SMIM36: variants seen among roughly 807,000 people sequenced by gnomAD.
SMIM36 encodes small integral membrane protein 36.
At chr17:55,501,298 A>G (rs1415969173) in intron 1 of SMIM36, among the ~76,000 whole-genome samples, 19 of 86,398 alleles carry the variant, frequency 2.2e-4, no homozygotes, top group Admixed American at 4.1e-4. Context: ...ATTTTATAAT[A>G]TATATTATGT....
chr17:55,522,766 C>T, the SMIM36 span, among the ~76,000 whole-genome samples: 1 of 152,158 alleles, frequency 6.6e-6, no homozygotes, highest in African/African-American at 2.4e-5. Context: ...TGGCACTTGT[C>T]CCCATCTGAC....
upstream of SMIM36, among the ~76,000 whole-genome samples, chr17:55,514,184 T>C (rs539871227): frequency 5.9e-5 from 9 of 152,198 alleles, no homozygotes; most frequent in South Asian, 1.5e-3. Flanking sequence ...TAAGGAACTT[T>C]CCTCTGGTGC....
At chr17:55,466,696 A>G (rs1909245078) in intron 4 of SMIM36, among the ~76,000 whole-genome samples, 1 of 152,106 alleles carries the variant, frequency 6.6e-6, no homozygotes, top group South Asian at 2.1e-4. Flanking sequence ...AGTGGGCAGG[A>G]GGAGGAGCTT....
At chr17:55,514,681 A>G (rs1910238535), upstream of SMIM36, among the ~76,000 whole-genome samples, 1 of 152,230 alleles carries the variant, frequency 6.6e-6, no homozygotes, top group Non-Finnish European at 1.5e-5. Context: ...AGTTGTTTAC[A>G]TATTTACTTG....
the SMIM36 span, among the ~76,000 whole-genome samples, chr17:55,529,973 G>A: frequency 2.6e-5 from 4 of 152,132 alleles, no homozygotes; most frequent in Admixed American, 1.3e-4. Flanking sequence ...TTCCATCATC[G>A]TTCATAGAAG....
chr17:55,468,288 A>C (rs959053811), intron 3 of SMIM36: 5 of 152,530 alleles, frequency 3.3e-5, no homozygotes, highest in African/African-American at 1.2e-4. Context: ...AGACCAGCCC[A>C]AGGAACATCT....
At chr17:55,513,715 G>A (rs775868920), upstream of SMIM36, among the ~76,000 whole-genome samples, 1 of 152,252 alleles carries the variant, frequency 6.6e-6, no homozygotes, top group Non-Finnish European at 1.5e-5. Context: ...GATGACACAA[G>A]GATTGGTTAA....
At chr17:55,531,994 T>C in the SMIM36 span, among the ~76,000 whole-genome samples, 2 of 152,062 alleles carry the variant, frequency 1.3e-5, no homozygotes, top group Non-Finnish European at 2.9e-5. Context: ...CCAAGTACCC[T>C]CACTTTCTGG....
chr17:55,491,044 C>T (rs1909694412), intron 1 of SMIM36, among the ~76,000 whole-genome samples: 1 of 151,728 alleles, frequency 6.6e-6, no homozygotes, highest in African/African-American at 2.4e-5. Flanking sequence ...CTCTTGAGCC[C>T]AGGAGTTTAA....
intron 1 of SMIM36, among the ~76,000 whole-genome samples, chr17:55,508,431 A>AAT (rs55879501): frequency 0.028 from 3,208 of 113,966 alleles, 101 homozygotes; most frequent in South Asian, 0.046. Context: ...TATTCCTAGG[A>AAT]ATATATATAT....
intron 1 of SMIM36, among the ~76,000 whole-genome samples, chr17:55,490,682 C>T (rs1000867076): frequency 5.3e-5 from 8 of 151,968 alleles, no homozygotes; most frequent in Non-Finnish European, 8.8e-5. Flanking sequence ...AACTGAGATT[C>T]GAAATGCTGT....
upstream of SMIM36, among the ~76,000 whole-genome samples, chr17:55,514,294 A>G (rs1910230181): frequency 6.6e-6 from 1 of 152,154 alleles, no homozygotes; most frequent in Admixed American, 6.5e-5. Flanking sequence ...AACAATAACA[A>G]GCTGCATTTC....
the SMIM36 span, among the ~76,000 whole-genome samples, chr17:55,521,382 T>C: frequency 6.6e-6 from 1 of 152,220 alleles, no homozygotes; most frequent in Non-Finnish European, 1.5e-5. Context: ...TGTGATCACT[T>C]CCCTGGTCTG....
the SMIM36 span, among the ~76,000 whole-genome samples, chr17:55,516,705 C>A: frequency 6.6e-6 from 1 of 151,842 alleles, no homozygotes; most frequent in African/African-American, 2.4e-5. Context: ...ATTACAGGCA[C>A]CTGCCACCAC....
chr17:55,518,144 C>T, the SMIM36 span, among the ~76,000 whole-genome samples: 20 of 152,156 alleles, frequency 1.3e-4, no homozygotes, highest in Non-Finnish European at 2.9e-4. Context: ...CACCATCTGG[C>T]GAGGGCCTCG....
rs981922948 is a variant in SMIM36, at chr17:55,511,411, T to C, written c.-77A>G. ...TTTGGGCATTGCAGAGAGCAGATCT[T>C]AGAGCATCGGAATAGCTACATTGGC... On this transcript the variant is annotated 5_prime_UTR_variant, in exon 1 of 5. An upstream open reading frame in the 5' UTR loses its in-frame stop. Coordinates refer to ENST00000636752, the Ensembl canonical transcript of SMIM36. 3 of 397,378 alleles carry C rather than the reference T, an allele frequency of 7.5e-6. No homozygotes were observed. The highest frequency in any genetic ancestry group is 1.3e-5 in the Non-Finnish European group (3 of 225,906). The allele number at this position is 397,378 out of a possible 1,614,324, so 24.6% of individuals were successfully genotyped here.
the SMIM36 span, among the ~76,000 whole-genome samples, chr17:55,524,881 C>T: frequency 1.1e-4 from 17 of 152,308 alleles, 1 homozygote; most frequent in East Asian, 3.3e-3. Context: ...TCATAATTCA[C>T]ATAGACTGAG....
chr17:55,494,057 C>G (rs1035031005), intron 1 of SMIM36, among the ~76,000 whole-genome samples: 15 of 152,070 alleles, frequency 9.9e-5, no homozygotes, highest in African/African-American at 3.4e-4. Flanking sequence ...TCTCCTGTGT[C>G]TAGGAACAGT....
chr17:55,501,123 T>TTTATA (rs375713129), intron 1 of SMIM36, among the ~76,000 whole-genome samples: 153 of 3,000 alleles, frequency 0.051, 47 homozygotes, highest in Non-Finnish European at 0.095. Flanking sequence ...TATATCATAT[T>TTTATA]TTATAATATA....
Sources: gnomAD v4.1 joint callset for allele counts (sites outside exome capture counted in the v4.1 genomes callset) on GRCh38, gnomAD v4.1.1 for gene constraint, MANE v1.5 for transcripts, NCBI Gene and HGNC (gene_info 2026-07-23, HGNC 2026-07-21) for gene names.